ZNF543: variants seen among roughly 807,000 people sequenced by gnomAD.
The protein encoded by ZNF543 is zinc finger protein 543.
A neutral mutation model predicts 13.4 loss-of-function variants in ZNF543; 10 were observed. The ratio of observed to expected loss-of-function variants is 0.75; its 90% CI spans 0.46 to 1.26. ZNF543 has a LOEUF of 1.26. Among genes scored for constraint, ZNF543 ranks in the 50% most tolerant of loss-of-function variants. ZNF543 has a pLI of 0.00. For synonymous variants in ZNF543, 272 were observed against 264.7 expected, an observed-to-expected ratio of 1.03 and a Z score of -0.27; for missense variants, 768 against 741.2, an observed-to-expected ratio of 1.04 and a Z score of -0.42.
chr19:57,330,756 T>G lies in ZNF543; in HGVS notation c.*1491T>G, dbSNP rs1490697123. Reference sequence around the variant, plus strand: ...TATTGTACAGAAGTAAAAATAATCATGTATTCACTTTGAACTCCTCAAAGC... The same window carrying G: ...TATTGTACAGAAGTAAAAATAATCAGGTATTCACTTTGAACTCCTCAAAGC... On this transcript the variant is annotated 3_prime_UTR_variant, in exon 4 of 4. Coordinates refer to ENST00000321545, the MANE Select transcript of ZNF543 (RefSeq NM_213598.4). 2 of 152,146 alleles carry G rather than the reference T, an allele frequency of 1.3e-5. No individual in the cohort carries two copies. The highest frequency in any genetic ancestry group is 4.8e-5 in the African/African-American group (2 of 41,444). 9.4% of individuals were successfully genotyped at this position (152,146 alleles called of 1,614,324 possible).
intron 1 of ZNF543, among the ~76,000 whole-genome samples, chr19:57,323,245 A>G (rs374526849): frequency 0.015 from 2,292 of 148,894 alleles, 63 homozygotes; most frequent in African/African-American, 0.053. Flanking sequence ...AGGCTGGAGT[A>G]CAGTGGCACG....
At chr19:57,323,551 A>G (rs776047327) in intron 1 of ZNF543, 131 bp from the exon 2 acceptor site, 3 of 1,185,978 alleles carry the variant, frequency 2.5e-6, no homozygotes, top group Admixed American at 1.7e-5. Flanking sequence ...GGCACAGATC[A>G]TGGCCCTCTA....
At chr19:57,326,289 C>A (rs1007945326) in intron 2 of ZNF543, among the ~76,000 whole-genome samples, 1 of 152,012 alleles carries the variant, frequency 6.6e-6, no homozygotes, top group Non-Finnish European at 1.5e-5. Context: ...TTCAGCCTCC[C>A]GAGTAGCTGG....
At chr19:57,327,376 C>A (rs369240166) in intron 3 of ZNF543, among the ~76,000 whole-genome samples, 1 of 145,304 alleles carries the variant, frequency 6.9e-6, no homozygotes, top group Admixed American at 6.9e-5. Context: ...ATGGAGCCTC[C>A]CACTGTTGCC....
At chr19:57,326,772 A>T in intron 3 of ZNF543, 44 bp downstream of exon 3, 1 of 1,523,336 alleles carries the variant, frequency 6.6e-7, no homozygotes, top group African/African-American at 1.4e-5. Context: ...GGCAGCTTAC[A>T]CATGGAAAAG....
intron 2 of ZNF543, among the ~76,000 whole-genome samples, chr19:57,324,354 GAAAAAAAA>G (rs56924099): frequency 9.8e-6 from 1 of 101,800 alleles, no homozygotes; most frequent in African/African-American, 3.7e-5. Context: ...GACTCCGTCT[GAAAAAAAA>G]AAAAAAAAAA....
At chr19:57,323,906 AC>A in intron 2 of ZNF543, 98 bp downstream of exon 2, 1 of 1,491,578 alleles carries the variant, frequency 6.7e-7, no homozygotes, top group Non-Finnish European at 9.1e-7. Context: ...GGCTCCTGGC[AC>A]CACGCAGGGG....
chr19:57,326,757 G>T (rs1324953967), intron 3 of ZNF543, 29 bp downstream of exon 3: 1 of 1,576,610 alleles, frequency 6.3e-7, no homozygotes, highest in African/African-American at 1.3e-5. Context: ...GAAGGTGGGG[G>T]TCATGGCAGC....
In ZNF543 at chr19:57,320,861, C is replaced by T. The variant is rs776359718; in HGVS notation, c.8C>T (p.Ala3Val). 1 of 1,613,994 alleles carries T rather than the reference C, an allele frequency of 6.2e-7. No individual in the cohort carries two copies. Among genetic ancestry groups the T allele is most frequent in the East Asian group, 2.2e-5 (1 of 44,854 alleles). ...GGGCTGCAGGGTCTCAGGATGGCAGCCTCGGCGCAGGTGAGTGGACGAGGT... is the reference window on the plus strand; with the variant it reads ...GGGCTGCAGGGTCTCAGGATGGCAGTCTCGGCGCAGGTGAGTGGACGAGGT... MA[A>V]SAQVSVTFED... The change falls in exon 1 of 4, where the codon GCC (alanine) becomes GTC (valine). Residue 3 changes from alanine (A) to valine (V), a missense_variant. Coordinates refer to ENST00000321545, the MANE Select transcript of ZNF543 (RefSeq NM_213598.4).
At chr19:57,326,787 C>A (rs1375269234) in intron 3 of ZNF543, 59 bp downstream of exon 3, 2 of 1,379,156 alleles carry the variant, frequency 1.5e-6, no homozygotes, top group Non-Finnish European at 2.1e-6. Context: ...GAAAAGTGAA[C>A]ACTGCCTCTG....
chr19:57,320,998 A>G, intron 1 of ZNF543, 127 bp downstream of exon 1: 1 of 1,317,026 alleles, frequency 7.6e-7, no homozygotes, highest in South Asian at 1.3e-5. Flanking sequence ...AAGTGGCCGT[A>G]GCTTGTCATT....
rs1168518299 is a variant in ZNF543 at position 57,327,644 on chromosome 19, C to T, written c.242-60C>T. 16 of 1,532,274 alleles carry T rather than the reference C, an allele frequency of 1.0e-5. No homozygotes were observed. In the African/African-American group the frequency reaches 2.0e-4, roughly 19 times the overall value. The allele number at this position is 1,532,274 out of a possible 1,614,324, so 94.9% of individuals were successfully genotyped here. On this transcript the variant is annotated intron_variant, in intron 3 of 3. Transcript: ENST00000321545. ...ACAGGTATGAATCACTGTCCCTGGC[C>T]TTTGTTTTTTCTATAATGCCATCTC...
chr19:57,323,867 C>G, intron 2 of ZNF543, 59 bp downstream of exon 2: 1 of 1,577,726 alleles, frequency 6.3e-7, no homozygotes, highest in Non-Finnish European at 8.6e-7. Context: ...TCATGTTCCC[C>G]TCTCTCCTCC....
intron 2 of ZNF543, among the ~76,000 whole-genome samples, chr19:57,326,006 A>AT (rs1457581958): frequency 6.6e-6 from 1 of 152,108 alleles, no homozygotes; most frequent in Non-Finnish European, 1.5e-5. Context: ...CAGGGTTGCC[A>AT]TTTGCAAGAT....
intron 1 of ZNF543, among the ~76,000 whole-genome samples, chr19:57,321,926 G>A (rs925609217): frequency 1.3e-5 from 2 of 152,176 alleles, no homozygotes; most frequent in Non-Finnish European, 2.9e-5. Flanking sequence ...TGTTTAAGGA[G>A]TCCGCAGGGG....
rs1177631911 is a variant in ZNF543 at position 57,320,677 on chromosome 19, C to T, written c.-177C>T. ...CCTGCCGAGGCCTAGGCCTCCGCAG[C>T]CGCCCTCCGTCTCCTCAGCCCCGAC... On this transcript the variant is annotated 5_prime_UTR_variant, in exon 1 of 4. Transcript: ENST00000321545. The T allele has an allele frequency of 1.2e-5, 8 of 692,716 alleles. No individual in the cohort carries two copies. The highest frequency in any genetic ancestry group is 2.1e-5 in the South Asian group (1 of 46,926). The allele number at this position is 692,716 out of a possible 1,614,324, so 42.9% of individuals were successfully genotyped here.
Position 57,320,569 on chromosome 19 carries a change from T to G in ZNF543, c.-285T>G. 4.3e-6 allele frequency: 2 copies of G among 466,448 alleles called. No individual in the cohort carries two copies. The highest frequency in any genetic ancestry group is 4.0e-5 in the East Asian group (1 of 24,972). The allele number at this position is 466,448 out of a possible 1,614,324, so 28.9% of individuals were successfully genotyped here. On this transcript the variant is annotated 5_prime_UTR_variant, in exon 1 of 4. Transcript: ENST00000321545. ...GTCCAGCGGCCTGAGCAGGGGAGGG[T>G]AATGAGGCTGTTACGCGCCTTCTCC...
In ZNF543 at chr19:57,326,735, G is replaced by GC; in HGVS notation, c.241+9dup. 1 of 1,612,132 alleles carries GC rather than the reference G, an allele frequency of 6.2e-7. No individual in the cohort carries two copies. The highest frequency in any genetic ancestry group is 1.8e-4 in the Middle Eastern group (1 of 5,556). On this transcript the variant is annotated splice_region_variant and intron_variant, in intron 3 of 3. Transcript: ENST00000321545. The stretch of plus-strand genomic sequence containing the variant: ...TCCCAAAGCTCCTATCCAGGTAGGA[G>GC]CCAACAGCTGGGAAGGTGGGGGTCA...
At position 57,327,267 on chromosome 19, in the gene ZNF543, C is replaced by G. The variant is rs138258780; in HGVS notation, c.242-437C>G. Among the ~76,000 whole-genome samples, 844 of 151,584 alleles carry G rather than the reference C, an allele frequency of 5.6e-3. 39 individuals are homozygous for G. The highest frequency in any genetic ancestry group is 0.05 in the Admixed American group (766 of 15,224). ...TTTATTTCTTACTCAGTGCCTTGCT[C>G]TCTGCCGACGATAGTATATGTAGTG... On this transcript the variant is annotated intron_variant, in intron 3 of 3. Transcript: ENST00000321545.
Sources: gnomAD v4.1 joint callset for allele counts (sites outside exome capture counted in the v4.1 genomes callset) on GRCh38, gnomAD v4.1.1 for gene constraint, MANE v1.5 for transcripts, NCBI Gene and HGNC (gene_info 2026-07-23, HGNC 2026-07-21) for gene names.